C1orf21: variants seen among roughly 807,000 people sequenced by gnomAD.
C1orf21 encodes uncharacterized protein C1orf21.
Under a neutral mutation model 18.7 loss-of-function variants are expected in C1orf21, and 3 were observed. The observed-to-expected ratio is 0.16, with a 90% CI of 0.07 to 0.42. The LOEUF is 0.42. Ranked by LOEUF, C1orf21 falls within the 10% of genes least tolerant of loss-of-function variation. The pLI, the probability that C1orf21 is intolerant of heterozygous loss-of-function variation, is 0.99. For synonymous variants in C1orf21, 41 were observed against 46.4 expected (o/e 0.88, Z 0.47); for missense variants, 104 against 143.6 (o/e 0.72, Z 1.41).
At chr1:184,457,133 G>T (rs906432276) in intron 1 of C1orf21, among the ~76,000 whole-genome samples, 4 of 152,082 alleles carry the variant, frequency 2.6e-5, no homozygotes, top group African/African-American at 7.2e-5. Context: ...CTGTTGCTGT[G>T]TAATCAATAA....
chr1:184,472,220 T>C (rs1571374451), intron 1 of C1orf21, among the ~76,000 whole-genome samples: 1 of 152,228 alleles, frequency 6.6e-6, no homozygotes, highest in East Asian at 1.9e-4. Flanking sequence ...AGATGTGTCT[T>C]GTCTTGATTT....
intron 3 of C1orf21, among the ~76,000 whole-genome samples, chr1:184,534,866 T>C (rs913692053): frequency 2.6e-5 from 4 of 151,894 alleles, no homozygotes; most frequent in African/African-American, 9.7e-5. Flanking sequence ...ATGGAAGAGA[T>C]TGGGGCGGGT....
At chr1:184,588,058 G>T (rs767175805) in intron 3 of C1orf21, among the ~76,000 whole-genome samples, 1 of 152,156 alleles carries the variant, frequency 6.6e-6, no homozygotes, top group Non-Finnish European at 1.5e-5. Flanking sequence ...ATGGAGAAAA[G>T]CACCTCTATA....
At chr1:184,601,613 A>G (rs1388590205) in intron 5 of C1orf21, among the ~76,000 whole-genome samples, 1 of 152,204 alleles carries the variant, frequency 6.6e-6, no homozygotes, top group Non-Finnish European at 1.5e-5. Flanking sequence ...AATTTAAAAA[A>G]ATGATTCAGC....
At chr1:184,526,861 G>A (rs1658384652) in intron 3 of C1orf21, among the ~76,000 whole-genome samples, 2 of 152,120 alleles carry the variant, frequency 1.3e-5, no homozygotes, top group Admixed American at 1.3e-4. Flanking sequence ...CTACCTGCCA[G>A]CTACTGTCCT....
chr1:184,406,344 A>G (rs561731231), intron 1 of C1orf21, among the ~76,000 whole-genome samples: 6 of 152,350 alleles, frequency 3.9e-5, no homozygotes, highest in South Asian at 2.1e-4. Flanking sequence ...AATATTGTCA[A>G]TCACAAAGGT....
chr1:184,426,775 G>T (rs1356496950), intron 1 of C1orf21, among the ~76,000 whole-genome samples: 1 of 152,094 alleles, frequency 6.6e-6, no homozygotes, highest in Non-Finnish European at 1.5e-5. Context: ...CTGGGAGCAG[G>T]CAGGGACCTT....
chr1:184,495,547 C>A (rs186784380), intron 2 of C1orf21, among the ~76,000 whole-genome samples: 13 of 152,230 alleles, frequency 8.5e-5, no homozygotes, highest in Non-Finnish European at 1.8e-4. Context: ...ACTTACTCAT[C>A]TTCCCTCCCT....
chr1:184,467,223 T>C (rs750714444), intron 1 of C1orf21, among the ~76,000 whole-genome samples: 20 of 152,194 alleles, frequency 1.3e-4, no homozygotes, highest in Non-Finnish European at 2.5e-4. Flanking sequence ...CATTCATTCA[T>C]TTATTGCAGA....
rs1660042917 is a variant in C1orf21, at chr1:184,627,845, C to T, written c.*8289C>T. 6.6e-6 allele frequency: 1 copy of T among 152,166 alleles called. No homozygotes were observed. Among genetic ancestry groups the T allele is most frequent in the African/African-American group, 2.4e-5 (1 of 41,432 alleles). The allele number at this position is 152,166 out of a possible 1,614,324, so 9.4% of individuals were successfully genotyped here. A position where few individuals can be genotyped will look rare whatever the true frequency, so the allele number is the denominator to read the frequency against. On this transcript the variant is annotated 3_prime_UTR_variant, in exon 6 of 6. Transcript: ENST00000235307. ...GAATATAAGCCAAGTTTGCCTTAGG[C>T]TTGTTCATGGAATATAAGCCAAGTT...
chr1:184,544,457 C>G (rs1389350936), intron 3 of C1orf21, among the ~76,000 whole-genome samples: 1 of 152,174 alleles, frequency 6.6e-6, no homozygotes, highest in Admixed American at 6.5e-5. Flanking sequence ...TTTAGTTTAG[C>G]AAACATTGTT....
At chr1:184,604,105 T>C in intron 5 of C1orf21, among the ~76,000 whole-genome samples, 1 of 152,328 alleles carries the variant, frequency 6.6e-6, no homozygotes, top group South Asian at 2.1e-4. Context: ...AACTATGATG[T>C]TGGGTTCTAC....
At chr1:184,512,984 C>G (rs993844881) in intron 3 of C1orf21, among the ~76,000 whole-genome samples, 1 of 152,228 alleles carries the variant, frequency 6.6e-6, no homozygotes, top group African/African-American at 2.4e-5. Context: ...AGAACAAGCC[C>G]TATCGTGAAC....
intron 1 of C1orf21, among the ~76,000 whole-genome samples, chr1:184,401,161 T>C (rs149390300): frequency 2.0e-5 from 3 of 152,316 alleles, no homozygotes; most frequent in African/African-American, 7.2e-5. Context: ...GAACAGTTTC[T>C]TCATATTTTT....
At chr1:184,445,731 A>G (rs1264527470) in intron 1 of C1orf21, among the ~76,000 whole-genome samples, 1 of 152,168 alleles carries the variant, frequency 6.6e-6, no homozygotes, top group Admixed American at 6.5e-5. Flanking sequence ...TTAGGAGGGC[A>G]TTAGTTAGCA....
At chr1:184,471,123 A>G (rs1657490447) in intron 1 of C1orf21, among the ~76,000 whole-genome samples, 1 of 152,160 alleles carries the variant, frequency 6.6e-6, no homozygotes, top group African/African-American at 2.4e-5. Flanking sequence ...GTGCAGGAGA[A>G]ATGTGCAACA....
chr1:184,618,277 G>A (rs1041589924), intron 5 of C1orf21, among the ~76,000 whole-genome samples: 2 of 152,040 alleles, frequency 1.3e-5, no homozygotes, highest in African/African-American at 4.8e-5. Flanking sequence ...AAAAGTATGT[G>A]CCAGAAATGA....
At chr1:184,558,938 G>C (rs1658915373) in intron 3 of C1orf21, among the ~76,000 whole-genome samples, 1 of 152,182 alleles carries the variant, frequency 6.6e-6, no homozygotes, top group South Asian at 2.1e-4. Context: ...AGATAGACCT[G>C]AGTCAGACTG....
At chr1:184,394,710 A>G (rs1361899601) in intron 1 of C1orf21, among the ~76,000 whole-genome samples, 2 of 152,232 alleles carry the variant, frequency 1.3e-5, no homozygotes, top group Admixed American at 1.3e-4. Context: ...CAGTGGTTCT[A>G]TCTCAAAGTT....
Sources: allele counts gnomAD v4.1 joint callset (sites outside exome capture counted in the v4.1 genomes callset), GRCh38; gene constraint gnomAD v4.1.1; transcripts MANE v1.5; gene names NCBI Gene and HGNC (gene_info 2026-07-23, HGNC 2026-07-21).